The following HEMK2 variants were observed in gnomAD, a reference collection of about 807,000 sequenced individuals.
The protein encoded by HEMK2 is methyltransferase HEMK2.
chr21:28,688,684 C>T, the HEMK2 span, among the ~76,000 whole-genome samples: 2 of 152,084 alleles, frequency 1.3e-5, no homozygotes, highest in African/African-American at 2.4e-5. Flanking sequence ...CAGATATGTA[C>T]ACTACAGATG....
chr21:28,799,720 A>G, the HEMK2 span, among the ~76,000 whole-genome samples: 1 of 152,210 alleles, frequency 6.6e-6, no homozygotes, highest in Non-Finnish European at 1.5e-5. Flanking sequence ...GGAAAGCCCT[A>G]TGAGATTTTC....
the HEMK2 span, among the ~76,000 whole-genome samples, chr21:28,772,378 T>A: frequency 6.6e-6 from 1 of 152,298 alleles, no homozygotes; most frequent in South Asian, 2.1e-4. Context: ...AAGACCAACT[T>A]GTTTAAAGTA....
the HEMK2 span, among the ~76,000 whole-genome samples, chr21:28,647,522 A>AG: frequency 2.7e-4 from 40 of 150,080 alleles, no homozygotes; most frequent in East Asian, 1.8e-3. Flanking sequence ...AAAAAAAAAA[A>AG]AAAGAAAAAG....
chr21:28,734,952 AACTCCCTCAGGCATCTG>A, the HEMK2 span, among the ~76,000 whole-genome samples: 1 of 152,182 alleles, frequency 6.6e-6, no homozygotes, highest in African/African-American at 2.4e-5. Flanking sequence ...TACTCGGCTG[AACTCCCTCAGGCATCTG>A]TGATCAACTG....
At chr21:28,753,086 C>T in the HEMK2 span, among the ~76,000 whole-genome samples, 5 of 152,124 alleles carry the variant, frequency 3.3e-5, no homozygotes, top group Admixed American at 3.3e-4. Context: ...GAATGGTTCT[C>T]CAGGGTTAAG....
the HEMK2 span, among the ~76,000 whole-genome samples, chr21:28,790,582 T>C: frequency 6.6e-6 from 1 of 152,040 alleles, no homozygotes; most frequent in African/African-American, 2.4e-5. Context: ...AGCAGGATTA[T>C]CTGATGGAAC....
At chr21:28,647,495 C>T in the HEMK2 span, among the ~76,000 whole-genome samples, 14 of 111,152 alleles carry the variant, frequency 1.3e-4, no homozygotes, top group Admixed American at 1.0e-3. Flanking sequence ...GCAACAACAG[C>T]GAAACTCCAT....
At chr21:28,838,972 A>AAAAATATATATATATATATAT in the HEMK2 span, among the ~76,000 whole-genome samples, 4 of 29,140 alleles carry the variant, frequency 1.4e-4, no homozygotes, top group Non-Finnish European at 2.2e-4. Context: ...AAAAAAAAAA[A>AAAAATATATATATATATATAT]ATATATATAT....
chr21:28,705,257 T>C, the HEMK2 span, among the ~76,000 whole-genome samples: 1 of 152,332 alleles, frequency 6.6e-6, no homozygotes, highest in Admixed American at 6.5e-5. Flanking sequence ...GAAATCTATA[T>C]GTCTATGGAC....
the HEMK2 span, chr21:28,876,389 G>C: frequency 1.9e-6 from 3 of 1,603,494 alleles, no homozygotes; most frequent in East Asian, 2.3e-5. Flanking sequence ...TGTATGCTAA[G>C]ACTTGGTGAA....
At chr21:28,722,624 G>A in the HEMK2 span, among the ~76,000 whole-genome samples, 1 of 152,204 alleles carries the variant, frequency 6.6e-6, no homozygotes. Context: ...GCTCACGCCT[G>A]TAATCCCAGC....
the HEMK2 span, chr21:28,878,462 T>C: frequency 2.2e-6 from 2 of 915,990 alleles, no homozygotes; most frequent in Non-Finnish European, 3.3e-6. Context: ...GAAGGAGCAG[T>C]CAAGTTGAAT....
chr21:28,723,633 T>C, the HEMK2 span, among the ~76,000 whole-genome samples: 1 of 152,176 alleles, frequency 6.6e-6, no homozygotes. Context: ...GTTTAAGACG[T>C]TGGCCACATT....
chr21:28,602,650 C>A, the HEMK2 span, among the ~76,000 whole-genome samples: 1 of 152,158 alleles, frequency 6.6e-6, no homozygotes, highest in South Asian at 2.1e-4. Flanking sequence ...GTATGAAGAT[C>A]TGTGTCACAT....
At chr21:28,655,872 T>C in the HEMK2 span, among the ~76,000 whole-genome samples, 6 of 152,054 alleles carry the variant, frequency 3.9e-5, no homozygotes, top group South Asian at 2.1e-4. Flanking sequence ...TAAGAAATAA[T>C]TACAATTAAT....
At chr21:28,620,660 CTTTTTTTTTTTTTTT>C in the HEMK2 span, among the ~76,000 whole-genome samples, 7 of 49,654 alleles carry the variant, frequency 1.4e-4, no homozygotes, top group East Asian at 3.0e-3. Flanking sequence ...TCTCTCTTTT[CTTTTTTTTTTTTTTT>C]TTTTTTTTTT....
At chr21:28,600,142 GC>G in the HEMK2 span, among the ~76,000 whole-genome samples, 1 of 152,224 alleles carries the variant, frequency 6.6e-6, no homozygotes, top group Non-Finnish European at 1.5e-5. Context: ...GCTTCATTAG[GC>G]CCCAGTGGGG....
At chr21:28,831,578 AGAAGGAAAGAAG>A in the HEMK2 span, among the ~76,000 whole-genome samples, 56 of 68,738 alleles carry the variant, frequency 8.1e-4, no homozygotes, top group East Asian at 2.0e-3. Context: ...AAAGAAAGAA[AGAAGGAAAGAAG>A]GAAAGAAGGA....
At chr21:28,650,429 AG>A in the HEMK2 span, among the ~76,000 whole-genome samples, 1 of 152,002 alleles carries the variant, frequency 6.6e-6, no homozygotes, top group African/African-American at 2.4e-5. Context: ...TTAATATTGG[AG>A]GCAGAATCAG....
Sources: gnomAD v4.1 joint callset for allele counts (sites outside exome capture counted in the v4.1 genomes callset) on GRCh38, gnomAD v4.1.1 for gene constraint, MANE v1.5 for transcripts, NCBI Gene and HGNC (gene_info 2026-07-23, HGNC 2026-07-21) for gene names.